Variants in PRKACB observed in about 807,000 individuals in gnomAD.
PRKACB encodes cAMP-dependent protein kinase catalytic subunit beta.
Under a neutral mutation model 51.4 loss-of-function variants are expected in PRKACB, and 16 were observed. The observed-to-expected ratio is 0.31, with a 90% CI of 0.21 to 0.47. The LOEUF is 0.47. PRKACB is among the 20% of genes least tolerant of loss of function. The pLI, the probability that PRKACB is intolerant of heterozygous loss-of-function variation, is 1.00. For missense variants in PRKACB, 309 were observed against 464.5 expected, an observed-to-expected ratio of 0.67 and a Z score of 3.08; for synonymous variants, 147 against 154.4, an observed-to-expected ratio of 0.95 and a Z score of 0.35.
chr1:84,212,064 A>G (rs12403468), intron 8 of PRKACB, among the ~76,000 whole-genome samples: 2,550 of 152,308 alleles, frequency 0.017, 196 homozygotes, highest in Admixed American at 0.14. Context: ...TTCCTCTGGT[A>G]TGATAATGAT....
Position 84,130,189 on chromosome 1 carries a change from C to CAAAAAAAAAA in PRKACB, c.47-48972_47-48963dup, listed in dbSNP as rs71097833. ...TAGGCAACAGAGCGAGACTCCGTCT[C>CAAAAAAAAAA]AAAAAAAAAAAAAAAAAAAAAAAAA... On this transcript the variant is annotated intron_variant, in intron 1 of 8. Coordinates refer to the PRKACB transcript ENST00000370688. Among the ~76,000 whole-genome samples the CAAAAAAAAAA allele has an allele frequency of 2.3e-4, 13 of 56,182 alleles. 1 individual carries two copies. Among genetic ancestry groups the CAAAAAAAAAA allele is most frequent in the African/African-American group, 9.3e-4 (13 of 13,914 alleles). The allele number at this position is 56,182 out of a possible 152,430, so 36.9% of individuals were successfully genotyped here. A position where few individuals can be genotyped will look rare whatever the true frequency, so the allele number is the denominator to read the frequency against.
chr1:84,156,316 A>G (rs770960805), intron 1 of PRKACB, among the ~76,000 whole-genome samples: 22 of 151,952 alleles, frequency 1.4e-4, no homozygotes, highest in Non-Finnish European at 2.8e-4. Flanking sequence ...GCCACTGTTG[A>G]TTTTACCACT....
chr1:84,191,961 A>G (rs1200473318), intron 5 of PRKACB, among the ~76,000 whole-genome samples: 1 of 152,188 alleles, frequency 6.6e-6, no homozygotes, highest in Non-Finnish European at 1.5e-5. Flanking sequence ...ATTTCTAGAC[A>G]ACTATGTCAG....
chr1:84,169,764 C>T (rs1247013607), intron 1 of PRKACB, among the ~76,000 whole-genome samples: 2 of 151,580 alleles, frequency 1.3e-5, no homozygotes. Flanking sequence ...AATTGAAAGA[C>T]CTCATTTTGT....
In PRKACB at chr1:84,214,195, C is replaced by T. The variant is rs1452067558; in HGVS notation, c.949C>T (p.Leu317=). 6.2e-7 allele frequency: 1 copy of T among 1,613,148 alleles called. No individual in the cohort carries two copies. The highest frequency in any genetic ancestry group is 8.5e-7 in the Non-Finnish European group (1 of 1,179,664). Residue 317 remains leucine (L), a synonymous_variant, in exon 9 of 10, where the codon CTA becomes TTA. Coordinates refer to ENST00000370685, the MANE Select transcript of PRKACB (RefSeq NM_182948.4). ...SHFSSDLKDL[L]RNLLQVDLTK... ...CTTCAGTTCAGATCTCAAGGACCTT[C>T]TACGGAACCTGCTGCAGGTGGATTT...
intron 1 of PRKACB, among the ~76,000 whole-genome samples, chr1:84,118,774 A>G (rs1461257656): frequency 6.6e-6 from 1 of 152,128 alleles, no homozygotes. Flanking sequence ...AGGATCACTT[A>G]TAATAATATT....
At chr1:84,224,906 G>T (rs893021027) in intron 9 of PRKACB, among the ~76,000 whole-genome samples, 1 of 152,206 alleles carries the variant, frequency 6.6e-6, no homozygotes, top group African/African-American at 2.4e-5. Flanking sequence ...ACCTGTGGGT[G>T]CAGGCTGTGG....
chr1:84,154,881 C>T (rs544101323), intron 1 of PRKACB, among the ~76,000 whole-genome samples: 1 of 152,148 alleles, frequency 6.6e-6, no homozygotes, highest in East Asian at 1.9e-4. Context: ...TGCTGTACTT[C>T]AACATAATAA....
At chr1:84,114,688 C>T (rs1295680190) in intron 1 of PRKACB, among the ~76,000 whole-genome samples, 1 of 152,092 alleles carries the variant, frequency 6.6e-6, no homozygotes, top group Non-Finnish European at 1.5e-5. Context: ...CTCCCTGCTC[C>T]GTCCTAGTCA....
chr1:84,111,843 C>T (rs1204730301), intron 1 of PRKACB, among the ~76,000 whole-genome samples: 2 of 151,054 alleles, frequency 1.3e-5, no homozygotes, highest in Admixed American at 1.3e-4. Context: ...ATATATATGA[C>T]TGCAAAAGCA....
At chr1:84,104,557 C>T (rs1303723517) in intron 1 of PRKACB, among the ~76,000 whole-genome samples, 1 of 152,074 alleles carries the variant, frequency 6.6e-6, no homozygotes, top group East Asian at 1.9e-4. Context: ...AGCTTCCATA[C>T]TGTTCCATAA....
chr1:84,081,957 A>C (rs1189309415), intron 1 of PRKACB, among the ~76,000 whole-genome samples: 1 of 152,210 alleles, frequency 6.6e-6, no homozygotes, highest in Non-Finnish European at 1.5e-5. Flanking sequence ...GAATTAATCA[A>C]AGAAAGCCAC....
At chr1:84,081,527 G>A (rs1279223655) in intron 1 of PRKACB, among the ~76,000 whole-genome samples, 6 of 152,082 alleles carry the variant, frequency 3.9e-5, no homozygotes, top group Non-Finnish European at 5.9e-5. Context: ...AAATTTGGGC[G>A]TAGTTATTTA....
At chr1:84,085,101 T>G (rs1231834841) in intron 1 of PRKACB, among the ~76,000 whole-genome samples, 5 of 152,208 alleles carry the variant, frequency 3.3e-5, no homozygotes, top group Non-Finnish European at 1.5e-5. Flanking sequence ...ATGAGAACAA[T>G]GTAACTTTTA....
At chr1:84,078,108 C>CGCCGCCGCCGCCGCTGCTGCT, upstream of PRKACB, 1 of 454,802 alleles carries the variant, frequency 2.2e-6, no homozygotes, top group Admixed American at 4.3e-5. Context: ...TCGCCGCCGC[C>CGCCGCCGCCGCCGCTGCTGCT]GCCGCCGCCG....
At position 84,185,666 on chromosome 1, in the gene PRKACB, T is replaced by C. The variant is rs534086553; in HGVS notation, c.560+484T>C. On this transcript the variant is annotated intron_variant, in intron 5 of 9. Transcript: ENST00000370685. The stretch of plus-strand genomic sequence containing the variant: ...CTTGCTAAGTTTAGTTTTTAAAATA[T>C]ACACATAATTTAACGGGAGTTTGTA... Among the ~76,000 whole-genome samples the C allele has an allele frequency of 2.0e-4, 30 of 152,144 alleles. 1 individual carries two copies. The highest frequency in any genetic ancestry group is 7.0e-4 in the African/African-American group (29 of 41,554).
chr1:84,130,867 T>C (rs1332180834), intron 1 of PRKACB, among the ~76,000 whole-genome samples: 2 of 152,190 alleles, frequency 1.3e-5, no homozygotes, highest in Non-Finnish European at 2.9e-5. Flanking sequence ...AATAAATATC[T>C]GGATAAATAT....
intron 5 of PRKACB, among the ~76,000 whole-genome samples, chr1:84,196,254 G>A (rs749427605): frequency 5.9e-5 from 9 of 152,090 alleles, no homozygotes; most frequent in Admixed American, 1.3e-4. Context: ...AACTATAGCA[G>A]TGGCCCCGAT....
chr1:84,230,926 T>C (rs1367821475), intron 9 of PRKACB, among the ~76,000 whole-genome samples: 1 of 142,986 alleles, frequency 7.0e-6, no homozygotes, highest in South Asian at 2.4e-4. Flanking sequence ...TTTATTTCCT[T>C]CTCCTGCCTA....
Sources: gnomAD v4.1 joint callset for allele counts (sites outside exome capture counted in the v4.1 genomes callset) on GRCh38, gnomAD v4.1.1 for gene constraint, MANE v1.5 for transcripts, NCBI Gene and HGNC (gene_info 2026-07-23, HGNC 2026-07-21) for gene names.